SEMA3D: variants seen among roughly 807,000 people sequenced by gnomAD.
SEMA3D encodes semaphorin-3D.
A neutral mutation model predicts 100.1 loss-of-function variants in SEMA3D; 84 were observed. That is an observed-to-expected ratio of 0.84 (90% CI 0.70 to 1.01). SEMA3D has a LOEUF of 1.01. SEMA3D is among the 50% of genes least tolerant of loss of function. The pLI is 0.00. For synonymous variants in SEMA3D, 312 were observed against 320.7 expected (o/e 0.97, Z 0.29); for missense variants, 875 against 934.1 (o/e 0.94, Z 0.82).
intron 3 of SEMA3D, among the ~76,000 whole-genome samples, chr7:85,112,402 A>G (rs1347842538): frequency 6.6e-6 from 1 of 152,210 alleles, no homozygotes; most frequent in African/African-American, 2.4e-5. Context: ...TACGTTTAAG[A>G]AATGTGGGAG....
At chr7:85,105,098 G>A (rs927734675) in intron 3 of SEMA3D, among the ~76,000 whole-genome samples, 1 of 151,980 alleles carries the variant, frequency 6.6e-6, no homozygotes, top group Non-Finnish European at 1.5e-5. Context: ...CTTTAGTATA[G>A]TCAGATCTCC....
At chr7:85,246,075 A>C in the SEMA3D span, among the ~76,000 whole-genome samples, 3 of 152,114 alleles carry the variant, frequency 2.0e-5, no homozygotes, top group Non-Finnish European at 4.4e-5. Flanking sequence ...TCTCCATGAC[A>C]ATGTGCATGA....
rs1452769030 is a variant in SEMA3D, at chr7:84,996,739, A to T, written c.*2701T>A. 1 of 152,154 alleles carries T rather than the reference A, an allele frequency of 6.6e-6. No homozygotes were observed. The highest frequency in any genetic ancestry group is 6.5e-5 in the Admixed American group (1 of 15,270). The allele number at this position is 152,154 out of a possible 1,614,324, so 9.4% of individuals were successfully genotyped here. On this transcript the variant is annotated 3_prime_UTR_variant, in exon 19 of 19. Coordinates refer to ENST00000284136, the MANE Select transcript of SEMA3D (RefSeq NM_001384900.1). ...TTAGAGACAAGAAAAATACGAAAAC[A>T]TGAGTAAACAGGCATTTTAAGATCC... is the stretch of plus-strand genomic sequence containing the variant.
chr7:85,085,878 G>A (rs1788198998), intron 4 of SEMA3D, among the ~76,000 whole-genome samples: 1 of 152,114 alleles, frequency 6.6e-6, no homozygotes, highest in South Asian at 2.1e-4. Flanking sequence ...ATGCTTTAAT[G>A]TTTTTGTTGT....
the SEMA3D span, among the ~76,000 whole-genome samples, chr7:85,247,677 G>A: frequency 8.5e-5 from 13 of 152,074 alleles, no homozygotes; most frequent in African/African-American, 2.4e-4. Context: ...TCAAGGCAAC[G>A]TAACATTGGC....
rs1371782400 is a variant in SEMA3D, at chr7:85,179,174, TA to T, written c.-173+7503del. Among the ~76,000 whole-genome samples the T allele has an allele frequency of 3.9e-5, 6 of 152,156 alleles. No homozygotes were observed. The East Asian group carries it at 1.2e-3, about 29-fold the overall frequency. On this transcript the variant is annotated intron_variant, in intron 1 of 18. Transcript: ENST00000284136. ...ATGTGGGGTGAGAGCCCTCACAAAG[TA>T]ATGGAGTAGTGGCCAGAGCCTCCTG...
At chr7:85,007,302 CA>C (rs1789827112) in intron 17 of SEMA3D, among the ~76,000 whole-genome samples, 1 of 151,508 alleles carries the variant, frequency 6.6e-6, no homozygotes, top group Non-Finnish European at 1.5e-5. Flanking sequence ...AAAATATAAA[CA>C]ATTTTGTAGA....
chr7:85,217,798 C>T, the SEMA3D span, among the ~76,000 whole-genome samples: 7,069 of 152,062 alleles, frequency 0.046, 315 homozygotes, highest in African/African-American at 0.11. Context: ...TGGAGATAAT[C>T]GCCTTTGATA....
intron 17 of SEMA3D, among the ~76,000 whole-genome samples, chr7:85,011,339 G>T (rs551800734): frequency 6.6e-6 from 1 of 151,782 alleles, no homozygotes; most frequent in Non-Finnish European, 1.5e-5. Context: ...GACAAGAATA[G>T]ATTGGATAGA....
At chr7:85,049,988 C>T (rs1791114881) in intron 9 of SEMA3D, among the ~76,000 whole-genome samples, 2 of 150,546 alleles carry the variant, frequency 1.3e-5, no homozygotes, top group African/African-American at 4.9e-5. Flanking sequence ...TGCAAAACAG[C>T]CTTGAGGTGA....
the SEMA3D span, among the ~76,000 whole-genome samples, chr7:85,229,369 A>G: frequency 6.6e-6 from 1 of 151,998 alleles, no homozygotes; most frequent in African/African-American, 2.4e-5. Flanking sequence ...TTTTAAAAAT[A>G]CCCTCCAATA....
At chr7:85,045,501 C>T (rs977188558) in intron 9 of SEMA3D, among the ~76,000 whole-genome samples, 2 of 151,730 alleles carry the variant, frequency 1.3e-5, no homozygotes, top group African/African-American at 2.4e-5. Context: ...ATATACGATG[C>T]CTTTATTATG....
chr7:85,019,749 C>G (rs190968682), intron 14 of SEMA3D, among the ~76,000 whole-genome samples: 44 of 151,726 alleles, frequency 2.9e-4, no homozygotes, highest in Admixed American at 1.4e-3. Flanking sequence ...GATCTACTAA[C>G]TCTTTTTGCC....
intron 8 of SEMA3D, among the ~76,000 whole-genome samples, chr7:85,059,274 C>T (rs1435120909): frequency 6.6e-6 from 1 of 152,084 alleles, no homozygotes; most frequent in Non-Finnish European, 1.5e-5. Flanking sequence ...GACTCATTAA[C>T]TCAAGGTCAA....
At chr7:85,007,240 G>GC (rs888686571) in intron 17 of SEMA3D, among the ~76,000 whole-genome samples, 1 of 151,522 alleles carries the variant, frequency 6.6e-6, no homozygotes, top group Non-Finnish European at 1.5e-5. Flanking sequence ...TTTTCTTTGA[G>GC]CTGAATAAAT....
intron 1 of SEMA3D, chr7:85,167,466 T>A (rs1790937831): frequency 1.3e-6 from 1 of 761,688 alleles, no homozygotes; most frequent in South Asian, 5.9e-5. Flanking sequence ...ATGTTGGACG[T>A]CTATTTGTGG....
chr7:85,148,876 T>A (rs1002176841), intron 2 of SEMA3D, among the ~76,000 whole-genome samples: 4 of 152,170 alleles, frequency 2.6e-5, no homozygotes, highest in African/African-American at 9.7e-5. Context: ...TTATATTGCT[T>A]AGTATTTGAG....
chr7:85,036,061 C>T lies in SEMA3D; in HGVS notation c.1191+828G>A, dbSNP rs184419261. 4.1e-3 allele frequency among the ~76,000 whole-genome samples: 628 copies of T among 151,932 alleles called. 5 individuals carry two copies. The highest frequency in any genetic ancestry group is 0.015 in the African/African-American group (604 of 41,478). On this transcript the variant is annotated intron_variant, in intron 12 of 18. Coordinates refer to ENST00000284136, the MANE Select transcript of SEMA3D (RefSeq NM_001384900.1). ...ACTTGAAGAGTTAAGTCAATATTTTCCTCAGATATTTTGGTAATTATTTTA... is the reference window on the plus strand; with the variant it reads ...ACTTGAAGAGTTAAGTCAATATTTTTCTCAGATATTTTGGTAATTATTTTA...
intron 2 of SEMA3D, among the ~76,000 whole-genome samples, chr7:85,139,787 A>T (rs1789988869): frequency 6.6e-6 from 1 of 152,052 alleles, no homozygotes; most frequent in Admixed American, 6.6e-5. Flanking sequence ...AAACTTATGA[A>T]ATACTATTGT....
Sources: gnomAD v4.1 joint callset for allele counts (sites outside exome capture counted in the v4.1 genomes callset) on GRCh38, gnomAD v4.1.1 for gene constraint, MANE v1.5 for transcripts, NCBI Gene and HGNC (gene_info 2026-07-23, HGNC 2026-07-21) for gene names.